Variants in ITK observed in about 807,000 individuals in gnomAD.
ITK encodes IL2 inducible T cell kinase.
A neutral mutation model predicts 87.6 loss-of-function variants in ITK; 45 were observed. That is an observed-to-expected ratio of 0.51 (90% CI 0.40 to 0.66). The LOEUF (loss-of-function observed/expected upper bound fraction) is 0.66, where lower values mean the gene tolerates loss of function less well. Ranked by LOEUF, ITK falls within the 30% of genes least tolerant of loss-of-function variation. The pLI is 0.00. For synonymous variants in ITK, 303 were observed against 273.6 expected, an observed-to-expected ratio of 1.11 and a Z score of -1.06; for missense variants, 605 against 766.3, an observed-to-expected ratio of 0.79 and a Z score of 2.48.
In ITK at chr5:157,193,354, C is replaced by T. The variant is rs1350896574; in HGVS notation, c.138+12239C>T. 2.0e-5 allele frequency among the ~76,000 whole-genome samples: 3 copies of T among 152,162 alleles called. No homozygotes were observed. In the East Asian group the frequency reaches 5.8e-4, roughly 29 times the overall value. On this transcript the variant is annotated intron_variant, in intron 1 of 16. Transcript: ENST00000422843. Reference sequence around the variant, plus strand: ...TAGGGTGATTAATAACTGTGTGGCTCATGAGAAAGCATGTTGTCAAAATAC... The same window carrying T: ...TAGGGTGATTAATAACTGTGTGGCTTATGAGAAAGCATGTTGTCAAAATAC...
chr5:157,235,399 C>T (rs1453187873), intron 8 of ITK, among the ~76,000 whole-genome samples: 2 of 152,172 alleles, frequency 1.3e-5, no homozygotes, highest in East Asian at 1.9e-4. Context: ...AGCTATGGAA[C>T]GTGGTTTTTC....
At chr5:157,205,164 C>T (rs1050724185) in intron 1 of ITK, among the ~76,000 whole-genome samples, 10 of 152,132 alleles carry the variant, frequency 6.6e-5, no homozygotes, top group Non-Finnish European at 1.5e-4. Flanking sequence ...TGACATCATC[C>T]TATTTTATTC....
chr5:157,230,639 A>G (rs1471707981), intron 7 of ITK, among the ~76,000 whole-genome samples: 1 of 152,218 alleles, frequency 6.6e-6, no homozygotes, highest in Non-Finnish European at 1.5e-5. Context: ...AAAATAAAAA[A>G]TCTTTATAGG....
At chr5:157,199,888 G>A (rs1014501056) in intron 1 of ITK, 3 of 152,028 alleles carry the variant, frequency 2.0e-5, no homozygotes, top group African/African-American at 4.8e-5. Flanking sequence ...ATAAAAAGCC[G>A]CCCTGCCCCC....
intron 1 of ITK, among the ~76,000 whole-genome samples, chr5:157,192,603 T>A (rs1753774485): frequency 6.6e-6 from 1 of 152,260 alleles, no homozygotes; most frequent in Admixed American, 6.5e-5. Context: ...ATTCAGCTGA[T>A]CAATGCTTTT....
intron 1 of ITK, among the ~76,000 whole-genome samples, chr5:157,198,292 T>C (rs192702670): frequency 1.8e-3 from 281 of 152,358 alleles, no homozygotes; most frequent in African/African-American, 6.4e-3. Flanking sequence ...ATTCTTTTTC[T>C]TTTCTTTTCT....
intron 3 of ITK, chr5:157,211,597 A>G (rs1296535948): frequency 1.8e-6 from 1 of 565,586 alleles, no homozygotes; most frequent in African/African-American, 1.9e-5. Flanking sequence ...TCTGAGCAAT[A>G]TTTGTATATA....
Position 157,253,810 on chromosome 5 carries a change from A to C in ITK, c.*1132A>C, listed in dbSNP as rs771492029. 4.5e-6 allele frequency: 1 copy of C among 220,436 alleles called. No homozygotes were observed. Among genetic ancestry groups the C allele is most frequent in the Non-Finnish European group, 9.1e-6 (1 of 110,164 alleles). The allele number at this position is 220,436 out of a possible 1,614,324, so 13.7% of individuals were successfully genotyped here. ...TTGCTCAAACCATCAGGATGGAAAC[A>C]GTCAGGCACTGACTGGGGTGCTTCC... On this transcript the variant is annotated 3_prime_UTR_variant, in exon 17 of 17. Transcript: ENST00000422843.
intron 8 of ITK, among the ~76,000 whole-genome samples, chr5:157,232,687 A>G (rs34289242): frequency 0.016 from 2,487 of 152,360 alleles, 30 homozygotes; most frequent in Non-Finnish European, 0.027. Context: ...ATGCCAATGC[A>G]GTGGGTTGAC....
Position 157,241,657 on chromosome 5 carries a change from C to T in ITK, c.997C>T (p.Arg333Ter). ...HQHNGGGLVT[R>*]LRYPVCFGRQ... is the part of the protein sequence containing the mutation. ...TTCAATCAACCCAGGCCTGGTGACT[C>T]GACTCCGGTATCCAGTTTGTTTTGG... The change falls in exon 11 of 17, where the codon CGA becomes TGA. Residue 333 changes from arginine to a stop codon, truncating the protein, a stop_gained. Coordinates refer to ENST00000422843, the MANE Select transcript of ITK (RefSeq NM_005546.4). LOFTEE classifies it high-confidence loss of function. The T allele has an allele frequency of 3.7e-6, 6 of 1,613,720 alleles. No individual in the cohort carries two copies. Among genetic ancestry groups the T allele is most frequent in the Non-Finnish European group, 5.1e-6 (6 of 1,179,706 alleles).
chr5:157,250,479 T>G (rs1404776607), intron 16 of ITK, among the ~76,000 whole-genome samples: 1 of 152,068 alleles, frequency 6.6e-6, no homozygotes, highest in East Asian at 1.9e-4. Context: ...AAATCTTGGT[T>G]GTTTTCAGTT....
At chr5:157,245,254 C>T (rs1754998929) in intron 13 of ITK, 2 of 207,742 alleles carry the variant, frequency 9.6e-6, no homozygotes, top group South Asian at 1.5e-4. Context: ...AATTGAGACA[C>T]ACTGGAGTGT....
At chr5:157,191,762 G>C (rs1753757748) in intron 1 of ITK, among the ~76,000 whole-genome samples, 3 of 152,038 alleles carry the variant, frequency 2.0e-5, no homozygotes, top group African/African-American at 4.8e-5. Context: ...TGGAGGAATA[G>C]GTGAACTTAT....
chr5:157,234,789 TG>T (rs949504625), intron 8 of ITK, among the ~76,000 whole-genome samples: 1 of 151,868 alleles, frequency 6.6e-6, no homozygotes, highest in African/African-American at 2.4e-5. Flanking sequence ...TGTCAGTGGG[TG>T]GGGGGCTAGG....
intron 1 of ITK, among the ~76,000 whole-genome samples, chr5:157,198,736 G>A (rs1561649235): frequency 6.6e-6 from 1 of 152,154 alleles, no homozygotes; most frequent in Non-Finnish European, 1.5e-5. Flanking sequence ...TTTTTCCATA[G>A]AGACAGTAAT....
Position 157,253,116 on chromosome 5 carries a change from T to C in ITK, c.*438T>C. The C allele has an allele frequency of 3.2e-6, 1 of 312,556 alleles. No individual in the cohort carries two copies. Among genetic ancestry groups the C allele is most frequent in the Admixed American group, 4.5e-5 (1 of 22,414 alleles). The allele number at this position is 312,556 out of a possible 1,614,324, so 19.4% of individuals were successfully genotyped here. On this transcript the variant is annotated 3_prime_UTR_variant, in exon 17 of 17. Coordinates refer to ENST00000422843, the MANE Select transcript of ITK (RefSeq NM_005546.4). ...GACCCAACAACACAGTATCCCAGGA[T>C]ATGGAGGCAAGGGGAACAAAGAGCA... is the stretch of plus-strand genomic sequence containing the variant.
At chr5:157,236,046 GA>G (rs1754768143) in intron 8 of ITK, among the ~76,000 whole-genome samples, 1 of 152,126 alleles carries the variant, frequency 6.6e-6, no homozygotes, top group Non-Finnish European at 1.5e-5. Flanking sequence ...TACAGATGAG[GA>G]AACTGAAGCT....
At chr5:157,244,771 C>T in intron 13 of ITK, 1 of 403,390 alleles carries the variant, frequency 2.5e-6, no homozygotes, top group South Asian at 2.2e-5. Context: ...CAATTTCCTC[C>T]TGGTAAATTG....
chr5:157,253,093 C>G lies in ITK; in HGVS notation c.*415C>G. ...ATGGTTCCAGGGACTTTTTATTTGACCCAACAACACAGTATCCCAGGATAT... is the reference window on the plus strand; with the variant it reads ...ATGGTTCCAGGGACTTTTTATTTGAGCCAACAACACAGTATCCCAGGATAT... On this transcript the variant is annotated 3_prime_UTR_variant, in exon 17 of 17. Coordinates refer to ENST00000422843, the MANE Select transcript of ITK (RefSeq NM_005546.4). 2.9e-6 allele frequency: 1 copy of G among 341,228 alleles called. No individual in the cohort carries two copies. Among genetic ancestry groups the G allele is most frequent in the Admixed American group, 4.2e-5 (1 of 23,552 alleles). 21.1% of individuals were successfully genotyped at this position (341,228 alleles called of 1,614,324 possible). A position where few individuals can be genotyped will look rare whatever the true frequency, so the allele number is the denominator to read the frequency against.
Sources: gnomAD v4.1 joint callset for allele counts (sites outside exome capture counted in the v4.1 genomes callset) on GRCh38, gnomAD v4.1.1 for gene constraint, MANE v1.5 for transcripts, NCBI Gene and HGNC (gene_info 2026-07-23, HGNC 2026-07-21) for gene names.